TAF1: variants seen among roughly 807,000 people sequenced by gnomAD.
The protein encoded by TAF1 is transcription initiation factor TFIID subunit 1.
A neutral mutation model predicts 138.5 loss-of-function variants in TAF1; 2 were observed. That is an observed-to-expected ratio of 0.01 (90% confidence interval 0.01 to 0.05). The LOEUF is 0.05. Among genes scored for constraint, TAF1 ranks in the 10% least tolerant of loss-of-function variants. The pLI is 1.00. For missense variants in TAF1, 709 were observed against 1,478.0 expected (o/e 0.48, Z 8.53); for synonymous variants, 437 against 503.2 (o/e 0.87, Z 1.76).
In TAF1 at chrX:71,377,777, T is replaced by C. The variant is rs1375353313; in HGVS notation, c.889T>C (p.Tyr297His). 1 of 1,211,124 alleles carries C rather than the reference T, an allele frequency of 8.3e-7. No individual in the cohort carries two copies. Among genetic ancestry groups the C allele is most frequent in the Admixed American group, 2.2e-5 (1 of 45,829 alleles). ...CCAGAAGTCTTTGTGGAACTACGAC[T>C]ACGCTCCACCACCACCTCCAGAGCA... ...VSQKSLWNYD[Y>H]APPPPPEQCL... Residue 297 changes from tyrosine (Y) to histidine (H), a missense_variant, in exon 6 of 38, where the codon TAC becomes CAC. Physicochemically the swap from Tyr to His is moderately conservative, Grantham distance 83. Transcript: ENST00000423759.
chrX:71,491,847 AG>A (rs2039293050), intron 13 of TAF1: 1 of 109,718 alleles, frequency 9.1e-6, no homozygotes, highest in African/African-American at 3.3e-5. Flanking sequence ...TTGAATTTTT[AG>A]TAGAGACGGG....
chrX:71,510,972 G>A (rs1413342198), intron 13 of TAF1, among the ~76,000 whole-genome samples: 2 of 110,957 alleles, frequency 1.8e-5, no homozygotes, highest in Non-Finnish European at 3.8e-5. Context: ...GCGTGGTGGC[G>A]CATGCCTGTA....
intron 13 of TAF1, among the ~76,000 whole-genome samples, chrX:71,474,060 G>A (rs765392678): frequency 2.7e-5 from 3 of 110,673 alleles, no homozygotes; most frequent in Admixed American, 1.9e-4. Flanking sequence ...TATGAGAATC[G>A]CTTGAAACCG....
At chrX:71,530,020 TTTCA>T (rs1477208628) in exon 15 of TAF1, 1 of 167,102 alleles carries the variant, frequency 6.0e-6, no homozygotes, top group African/African-American at 3.1e-5. Context: ...CTCATTAGGC[TTTCA>T]TTGTTTTTTC....
downstream of TAF1, among the ~76,000 whole-genome samples, chrX:71,468,437 C>T (rs2038810129): frequency 9.1e-6 from 1 of 110,057 alleles, no homozygotes; most frequent in African/African-American, 3.3e-5. Context: ...CCTGTAATCC[C>T]AGCACTTTGG....
chrX:71,508,086 C>CTCTCTCTCTCTCTCTATA (rs4040068), intron 13 of TAF1, among the ~76,000 whole-genome samples: 23 of 92,197 alleles, frequency 2.5e-4, no homozygotes, highest in African/African-American at 5.1e-4. Context: ...CTCTCTCTCT[C>CTCTCTCTCTCTCTCTATA]TATATATATA....
intron 32 of TAF1, among the ~76,000 whole-genome samples, chrX:71,442,062 T>G (rs2037456845): frequency 8.9e-6 from 1 of 111,816 alleles, no homozygotes; most frequent in African/African-American, 3.3e-5. Flanking sequence ...TAATCCAGTC[T>G]ATCATCGATG....
At chrX:71,467,421 T>C, downstream of TAF1, among the ~76,000 whole-genome samples, 3 of 111,449 alleles carry the variant, frequency 2.7e-5, 1 homozygote, top group Non-Finnish European at 5.7e-5. Context: ...AATCCTTTTC[T>C]AAAGAGGCCA....
chrX:71,430,260 A>G (rs2036811839), intron 32 of TAF1, among the ~76,000 whole-genome samples: 2 of 109,743 alleles, frequency 1.8e-5, no homozygotes, highest in African/African-American at 6.6e-5. Context: ...GAGCACCTGT[A>G]GTCCCAGCTA....
intron 3 of TAF1, among the ~76,000 whole-genome samples, chrX:71,372,866 CT>C (rs1287024100): frequency 9.0e-6 from 1 of 111,533 alleles, no homozygotes; most frequent in African/African-American, 3.3e-5. Context: ...GCTATACTTA[CT>C]TTTTTGTTTG....
chrX:71,382,454 A>C (rs1231208848), intron 9 of TAF1, 82 bp from the exon 10 acceptor site: 2 of 1,144,627 alleles, frequency 1.7e-6, no homozygotes, highest in Non-Finnish European at 2.3e-6. Flanking sequence ...CCGTCACCTT[A>C]AAGAAGAAAA....
At chrX:71,406,158 GTC>G (rs2035454861) in intron 25 of TAF1, among the ~76,000 whole-genome samples, 2 of 109,435 alleles carry the variant, frequency 1.8e-5, no homozygotes, top group African/African-American at 6.7e-5. Flanking sequence ...GTGAGACCCT[GTC>G]TCTACTAAAA....
Position 71,463,953 on chromosome X carries a change from C to T in TAF1, c.5529C>T (p.Ser1843=), listed in dbSNP as rs761543410. Residue 1843 remains serine (S), a synonymous_variant, in exon 38 of 38, where the codon AGC becomes AGT. Coordinates refer to ENST00000423759, the MANE Select transcript of TAF1 (RefSeq NM_004606.5). The part of the protein sequence containing the change: ...EEEEEQRSGP[S]VLSQVHLSED... ...AGGAAGAGCAGCGCTCTGGGCCGAG[C>T]GTACTAAGCCAGGTCCACCTGTCAG... 9.1e-6 allele frequency: 11 copies of T among 1,203,584 alleles called. No homozygotes were observed. The highest frequency in any genetic ancestry group is 6.7e-5 in the Admixed American group (3 of 44,901).
At position 71,424,117 on chromosome X, in the gene TAF1, G is replaced by A. The variant is rs748978198; in HGVS notation, c.4669-37G>A. 1.2e-5 allele frequency: 14 copies of A among 1,196,746 alleles called. No homozygotes were observed. The African/African-American group carries it at 2.5e-4, about 21-fold the overall frequency. On this transcript the variant is annotated intron_variant, in intron 31 of 37. Coordinates refer to ENST00000423759, the MANE Select transcript of TAF1 (RefSeq NM_004606.5). Reference sequence around the variant, plus strand: ...CCTTTTTGTAATCAAGTGACTGTGTGTGTGTGTATCTGAGTGCCTGATTCT... The same window carrying A: ...CCTTTTTGTAATCAAGTGACTGTGTATGTGTGTATCTGAGTGCCTGATTCT...
chrX:71,438,317 C>G (rs912571399), intron 32 of TAF1, among the ~76,000 whole-genome samples: 1 of 111,513 alleles, frequency 9.0e-6, no homozygotes, highest in Non-Finnish European at 1.9e-5. Flanking sequence ...TAGTTTCTAT[C>G]TCTATGAAAT....
At chrX:71,479,433 G>A (rs189424164) in intron 13 of TAF1, among the ~76,000 whole-genome samples, 2 of 111,423 alleles carry the variant, frequency 1.8e-5, no homozygotes, top group Non-Finnish European at 3.8e-5. Flanking sequence ...TTAGCCGGGC[G>A]TGGTGGCGCA....
chrX:71,489,248 TC>T (rs2039230244), intron 13 of TAF1, among the ~76,000 whole-genome samples: 1 of 110,998 alleles, frequency 9.0e-6, no homozygotes, highest in African/African-American at 3.3e-5. Flanking sequence ...AATGTAGAAG[TC>T]CCTCTGCCTC....
Position 71,454,730 on chromosome X carries a change from T to C in TAF1, c.4822-11T>C. Reference sequence around the variant, plus strand: ...TACATGTTGAATGAATTTATTTTCTTTGTTTCTCAGTATGATGAACATTTG... The same window carrying C: ...TACATGTTGAATGAATTTATTTTCTCTGTTTCTCAGTATGATGAACATTTG... On this transcript the variant is annotated splice_polypyrimidine_tract_variant and intron_variant, in intron 33 of 37. Coordinates refer to ENST00000423759, the MANE Select transcript of TAF1 (RefSeq NM_004606.5). 2 of 1,191,167 alleles carry C rather than the reference T, an allele frequency of 1.7e-6. No individual in the cohort carries two copies. The highest frequency in any genetic ancestry group is 2.3e-6 in the Non-Finnish European group (2 of 883,217).
chrX:71,460,491 A>G (rs2038503078), intron 36 of TAF1, 135 bp from the exon 37 acceptor site: 1 of 661,846 alleles, frequency 1.5e-6, no homozygotes, highest in African/African-American at 2.2e-5. Flanking sequence ...TATAAGAGGC[A>G]TTTGAGGAGA....
Sources: gnomAD v4.1 joint callset for allele counts (sites outside exome capture counted in the v4.1 genomes callset) on GRCh38, gnomAD v4.1.1 for gene constraint, MANE v1.5 for transcripts, NCBI Gene and HGNC (gene_info 2026-07-23, HGNC 2026-07-21) for gene names.